CEP170B: variants seen among roughly 807,000 people sequenced by gnomAD.
The protein encoded by CEP170B is centrosomal protein of 170 kDa protein B.
Under a neutral mutation model 120.6 loss-of-function variants are expected in CEP170B, and 55 were observed. The ratio of observed to expected loss-of-function variants is 0.46; its 90% CI spans 0.37 to 0.57. CEP170B has a LOEUF of 0.57. Ranked by LOEUF, CEP170B falls within the 20% of genes least tolerant of loss-of-function variation. The pLI is 0.00. For synonymous variants in CEP170B, 1,033 were observed against 954.5 expected (o/e 1.08, Z -1.52); for missense variants, 2,212 against 2,253.3 (o/e 0.98, Z 0.37).
In CEP170B at chr14:104,895,071, C is replaced by T. The variant is rs999601002; in HGVS notation, c.*113C>T. The T allele has an allele frequency of 1.6e-6, 2 of 1,249,694 alleles. No individual in the cohort carries two copies. Among genetic ancestry groups the T allele is most frequent in the Admixed American group, 5.7e-5 (2 of 35,344 alleles). The allele number at this position is 1,249,694 out of a possible 1,614,324, so 77.4% of individuals were successfully genotyped here. On this transcript the variant is annotated 3_prime_UTR_variant, in exon 19 of 19. Transcript: ENST00000414716. ...TTCTCCCTGAAGACCCCCACATGTG[C>T]CATATCCCTGTGGGCGGGTGCCTCC...
chr14:104,885,523 C>T lies in CEP170B; in HGVS notation c.1925C>T (p.Ala642Val), dbSNP rs761805553. The T allele has an allele frequency of 1.9e-5, 30 of 1,563,876 alleles. No homozygotes were observed. Among genetic ancestry groups the T allele is most frequent in the Non-Finnish European group, 2.5e-5 (29 of 1,158,374 alleles). Residue 642 changes from alanine to valine, a missense_variant, in exon 10 of 19, where the codon GCC becomes GTC. Coordinates refer to ENST00000414716, the MANE Select transcript of CEP170B (RefSeq NM_001112726.3). ...QEFASRPLGA[A>V]PQAEHQGLPV... is the part of the protein sequence containing the mutation. ...TTTGCCTCCCGGCCACTGGGTGCGG[C>T]CCCCCAGGCGGAGCACCAGGTACAG... is the stretch of plus-strand genomic sequence containing the variant.
intron 12 of CEP170B, among the ~76,000 whole-genome samples, chr14:104,888,963 C>G (rs899912345): frequency 6.6e-6 from 1 of 152,242 alleles, no homozygotes; most frequent in African/African-American, 2.4e-5. Context: ...CCATCATGCC[C>G]CGCTACAGTG....
rs1295446564 is a variant in CEP170B at position 104,865,396 on chromosome 14, CG to C, written c.-142del. On this transcript the variant is annotated 5_prime_UTR_variant, in exon 1 of 19. Transcript: ENST00000414716. This position sits in a 1 kb window ranked among gnomAD's most constrained non-coding sequence, Gnocchi z 6.7. ...CGGCCCCGCCCAGCGCTCGGCCGGG[CG>C]GGCGGGCGGGCGCGAGGGCAGGGAC... The C allele has an allele frequency of 1.5e-5, 2 of 133,064 alleles. No homozygotes were observed. The highest frequency in any genetic ancestry group is 6.1e-5 in the African/African-American group (2 of 33,054). 8.2% of individuals were successfully genotyped at this position (133,064 alleles called of 1,614,324 possible). A position where few individuals can be genotyped will look rare whatever the true frequency, so the allele number is the denominator to read the frequency against.
At chr14:104,878,925 CCCAGGAAGCTGCTGG>C (rs1896000925) in intron 5 of CEP170B, among the ~76,000 whole-genome samples, 3 of 152,118 alleles carry the variant, frequency 2.0e-5, no homozygotes, top group African/African-American at 7.2e-5. Context: ...GTGGCCAGAG[CCCAGGAAGCTGCTGG>C]GGTCACCCTG....
At position 104,883,052 on chromosome 14, in the gene CEP170B, G is replaced by A. The variant is rs544647967; in HGVS notation, c.595G>A (p.Val199Met). ...CACACCAGAGCGCCCCAAGGGACCAGTGCAGCAGGACGGGGAGCTCCACGG... is the reference window on the plus strand; with the variant it reads ...CACACCAGAGCGCCCCAAGGGACCAATGCAGCAGGACGGGGAGCTCCACGG... ...EPYPERPKGPVQQDGELHGFR... is the reference protein window; with the variant it reads ...EPYPERPKGPMQQDGELHGFR... The change falls in exon 8 of 19, where the codon GTG (valine) becomes ATG (methionine). Residue 199 changes from valine (V) to methionine (M), a missense_variant. Coordinates refer to ENST00000414716, the MANE Select transcript of CEP170B (RefSeq NM_001112726.3). The A allele has an allele frequency of 2.9e-5, 45 of 1,538,386 alleles. 1 individual carries two copies. In the South Asian group the frequency reaches 3.2e-4, roughly 11 times the overall value.
At chr14:104,889,333 TG>T (rs112820557) in intron 12 of CEP170B, among the ~76,000 whole-genome samples, 17,129 of 152,064 alleles carry the variant, frequency 0.11, 1,207 homozygotes, top group African/African-American at 0.2. Flanking sequence ...GGGGGCCTTG[TG>T]GTCCCTGGAG....
chr14:104,893,857 G>A lies in CEP170B; in HGVS notation c.4271+8G>A, dbSNP rs371748695. On this transcript the variant is annotated splice_region_variant and intron_variant, in intron 16 of 18. Transcript: ENST00000414716. ...CCTTGCCGAGAAGATGAAGTGAGTC[G>A]GCTTCCTGGCTGAGGTGGACGCCCA... is the stretch of plus-strand genomic sequence containing the variant. 68 of 1,608,582 alleles carry A rather than the reference G, an allele frequency of 4.2e-5. No individual in the cohort carries two copies. The highest frequency in any genetic ancestry group is 1.1e-4 in the East Asian group (5 of 44,748).
chr14:104,889,681 G>A lies in CEP170B; in HGVS notation c.3801G>A (p.Arg1267=). ...CTCGTTCCCGGGCCCCCGGCCCCCG[G>A]GACACGGACGACGATGAGGAGGAGC... ...SRARSRAPGP[R]DTDDDEEEPD... is the part of the protein sequence containing the mutation. Residue 1267 remains arginine (R), a synonymous_variant, in exon 13 of 19, where the codon CGG becomes CGA. Coordinates refer to ENST00000414716, the MANE Select transcript of CEP170B (RefSeq NM_001112726.3). The A allele has an allele frequency of 2.5e-6, 4 of 1,612,134 alleles. No homozygotes were observed. Among genetic ancestry groups the A allele is most frequent in the Non-Finnish European group, 3.4e-6 (4 of 1,179,714 alleles).
chr14:104,878,107 A>C (rs988870224), intron 4 of CEP170B, 144 bp downstream of exon 4: 2 of 700,650 alleles, frequency 2.9e-6, no homozygotes, highest in Non-Finnish European at 2.4e-6. Context: ...GCTGGGCTCC[A>C]CCTGCTGATG....
intron 6 of CEP170B, 124 bp downstream of exon 6, chr14:104,880,549 A>C (rs1043509075): frequency 6.5e-6 from 9 of 1,379,692 alleles, no homozygotes; most frequent in African/African-American, 1.4e-5. Context: ...CATACCCCTC[A>C]CCCTTTGCAC....
Position 104,893,011 on chromosome 14 carries a change from T to C in CEP170B, c.3914T>C (p.Leu1305Pro). 6.3e-7 allele frequency: 1 copy of C among 1,581,126 alleles called. No individual in the cohort carries two copies. Among genetic ancestry groups the C allele is most frequent in the Admixed American group, 1.8e-5 (1 of 55,186 alleles). ...ACGCTGGTGAAGGACGTGGCCATCC[T>C]AGCCCAGGAGATCCACGATGTGGCT... is the stretch of plus-strand genomic sequence containing the variant. ...SQTLVKDVAI[L>P]AQEIHDVAGD... Residue 1305 changes from leucine to proline, a missense_variant, in exon 14 of 19, where the codon CTA (leucine) becomes CCA (proline). This residue lies in a region of CEP170B where 2,166 missense variants were observed against 2,166.7 expected (regional missense o/e 1.00). Coordinates refer to ENST00000414716, the MANE Select transcript of CEP170B (RefSeq NM_001112726.3).
Position 104,893,771 on chromosome 14 carries a change from A to G in CEP170B, c.4193A>G (p.Asp1398Gly), listed in dbSNP as rs199751333. ...GCCGGGCTCTTGCAGGTGATCTTCG[A>G]TAACCTGATGCTGAACCCGGTGTCC... Reference protein sequence around the residue: ...RPRNREEVIFDNLMLNPVSQL... With the variant: ...RPRNREEVIFGNLMLNPVSQL... Residue 1398 changes from aspartate to glycine, a missense_variant, in exon 16 of 19, where the codon GAT becomes GGT. Asp to Gly is a moderately conservative substitution (Grantham distance 94). Coordinates refer to ENST00000414716, the MANE Select transcript of CEP170B (RefSeq NM_001112726.3). The G allele has an allele frequency of 1.4e-5, 23 of 1,610,288 alleles. No individual in the cohort carries two copies. The highest frequency in any genetic ancestry group is 3.3e-5 in the Admixed American group (2 of 59,720).
rs1178340691 is a variant in CEP170B at position 104,870,129 on chromosome 14, TA to T, written c.105+1575del. Among the ~76,000 whole-genome samples the T allele has an allele frequency of 6.6e-6, 1 of 152,076 alleles. No individual in the cohort carries two copies. Among genetic ancestry groups the T allele is most frequent in the African/African-American group, 2.4e-5 (1 of 41,408 alleles). On this transcript the variant is annotated intron_variant, in intron 2 of 18. Coordinates refer to ENST00000414716, the MANE Select transcript of CEP170B (RefSeq NM_001112726.3). The surrounding 1 kb of genome is among the most constrained non-coding windows in gnomAD (Gnocchi z 4.1). ...TTCTACAAGGGCCTGGTAAAGATTT[TA>T]GGTTTTATGGACCACAAAGTATCCA... is the stretch of plus-strand genomic sequence containing the variant.
chr14:104,872,121 C>T (rs61995988), intron 2 of CEP170B, among the ~76,000 whole-genome samples: 63,275 of 149,688 alleles, frequency 0.42, 15,931 homozygotes, highest in Middle Eastern at 0.67. Context: ...TGCGTGTGTG[C>T]GTCGTGTGTG....
At position 104,896,479 on chromosome 14, in the gene CEP170B, T is replaced by G; in HGVS notation, c.*1521T>G. The G allele has an allele frequency of 1.6e-5, 7 of 425,548 alleles. No individual in the cohort carries two copies. The highest frequency in any genetic ancestry group is 1.5e-4 in the East Asian group (2 of 13,610). The allele number at this position is 425,548 out of a possible 1,614,324, so 26.4% of individuals were successfully genotyped here. Reference sequence around the variant, plus strand: ...CCGCCTGCCCCTGGACATGAAGTGGTCACGCTTCATCCACGGCTCCTTCCC... The same window carrying G: ...CCGCCTGCCCCTGGACATGAAGTGGGCACGCTTCATCCACGGCTCCTTCCC... On this transcript the variant is annotated 3_prime_UTR_variant, in exon 19 of 19. Coordinates refer to ENST00000414716, the MANE Select transcript of CEP170B (RefSeq NM_001112726.3).
intron 13 of CEP170B, among the ~76,000 whole-genome samples, chr14:104,890,269 G>A: frequency 7.4e-6 from 1 of 134,274 alleles, no homozygotes; most frequent in African/African-American, 2.7e-5. Context: ...TGGATGGATG[G>A]ATGAATGGAT....
chr14:104,883,390 G>A lies in CEP170B; in HGVS notation c.933G>A (p.Glu311=). 4 of 1,600,456 alleles carry A rather than the reference G, an allele frequency of 2.5e-6. No individual in the cohort carries two copies. In the South Asian group the frequency reaches 4.5e-5, roughly 18 times the overall value. Residue 311 remains glutamate, a synonymous_variant, in exon 8 of 19, where the codon GAG becomes GAA. Coordinates refer to ENST00000414716, the MANE Select transcript of CEP170B (RefSeq NM_001112726.3). ...CACCTGGCGAGATGGTGTCGGCTGAGACCAAGGTGGCCGACTGGCTGGTGC... is the reference window on the plus strand; with the variant it reads ...CACCTGGCGAGATGGTGTCGGCTGAAACCAAGGTGGCCGACTGGCTGGTGC... ...EATPGEMVSA[E]TKVADWLVQN... is the part of the protein sequence containing the mutation.
At position 104,884,168 on chromosome 14, in the gene CEP170B, G is replaced by T; in HGVS notation, c.1389G>T (p.Arg463Ser). The T allele has an allele frequency of 1.9e-6, 3 of 1,549,644 alleles. No homozygotes were observed. The highest frequency in any genetic ancestry group is 2.4e-5 in the East Asian group (1 of 41,294). Residue 463 changes from arginine to serine, a missense_variant, in exon 9 of 19, where the codon AGG becomes AGT. Arg to Ser is a moderately radical substitution (Grantham distance 110). Around this residue, in one of 2 missense-constraint regions of CEP170B, gnomAD observed 2,166 missense variants for 2,166.7 expected, o/e 1.00. Transcript: ENST00000414716. ...GGGGCCGCAGCTCGGGGCCACAGAG[G>T]GCCGGCTCGCTCAAGCGGGAGAAGA... ...QAGGRSSGPQ[R>S]AGSLKREKTE...
chr14:104,882,836 G>T lies in CEP170B; in HGVS notation c.577+4G>T, dbSNP rs1388718309. On this transcript the variant is annotated splice_donor_region_variant and intron_variant, in intron 7 of 18. Transcript: ENST00000414716. ...CGCCAGGGAGAGCCCTACCCAGGTT[G>T]GTCTTGGGGCCAGGCTGGTGAGACC... 2 of 1,611,112 alleles carry T rather than the reference G, an allele frequency of 1.2e-6. No individual in the cohort carries two copies. The highest frequency in any genetic ancestry group is 2.7e-5 in the African/African-American group (2 of 74,864).
Sources: gnomAD v4.1 joint callset for allele counts (sites outside exome capture counted in the v4.1 genomes callset) on GRCh38, gnomAD v4.1.1 for gene constraint, gnomAD v4.1.1 regional missense constraint, Gnocchi (gnomAD v3.1) non-coding constraint, MANE v1.5 for transcripts, NCBI Gene and HGNC (gene_info 2026-07-23, HGNC 2026-07-21) for gene names.